The following PTPRD variants were observed in gnomAD, a reference collection of about 807,000 sequenced individuals.
The protein encoded by PTPRD is protein tyrosine phosphatase receptor type D, also known as receptor-type tyrosine-protein phosphatase delta.
In PTPRD, 34 loss-of-function variants were observed where a neutral mutation model predicts 214.5. The ratio of observed to expected loss-of-function variants is 0.16; its 90% confidence interval spans 0.12 to 0.21. The LOEUF is 0.21. Among genes scored for constraint, PTPRD ranks in the 10% least tolerant of loss-of-function variants. The pLI, the probability that PTPRD is intolerant of heterozygous loss-of-function variation, is 1.00. For synonymous variants in PTPRD, 1,128 were observed against 845.7 expected (o/e 1.33, Z -5.79); for missense variants, 2,545 against 2,398.7 (o/e 1.06, Z -1.27).
At chr9:10,395,629 G>C (rs909508302) in intron 2 of PTPRD, among the ~76,000 whole-genome samples, 1 of 151,856 alleles carries the variant, frequency 6.6e-6, no homozygotes, top group African/African-American at 2.4e-5. Context: ...ATGACTAATT[G>C]TTGTCCTGCC....
chr9:8,354,375 C>T (rs1428499528), intron 39 of PTPRD, among the ~76,000 whole-genome samples: 3 of 152,038 alleles, frequency 2.0e-5, no homozygotes. Context: ...AATGGTTGTC[C>T]TACAAGATGG....
rs544198792 is a variant in PTPRD, at chr9:9,263,293, A to G, written c.-202-79930T>C. On this transcript the variant is annotated intron_variant, in intron 9 of 45. Transcript: ENST00000381196. ...CTTTTTTTATAAATGTTTTTTGAAT[A>G]CATCTCCTATAGGAGAATTGAGGGA... Among the ~76,000 whole-genome samples, 53 of 151,764 alleles carry G rather than the reference A, an allele frequency of 3.5e-4. No homozygotes were observed. The South Asian group carries it at 4.6e-3, about 13-fold the overall frequency.
At chr9:10,062,760 A>C (rs1312058801) in intron 3 of PTPRD, among the ~76,000 whole-genome samples, 2 of 151,936 alleles carry the variant, frequency 1.3e-5, no homozygotes, top group African/African-American at 4.8e-5. Flanking sequence ...TTTTCCCCTG[A>C]AAATCTATGT....
At chr9:9,140,735 C>T (rs1358382445) in intron 10 of PTPRD, among the ~76,000 whole-genome samples, 2 of 152,150 alleles carry the variant, frequency 1.3e-5, no homozygotes, top group Non-Finnish European at 1.5e-5. Context: ...CCCGCCACCA[C>T]GCCCGGCTAA....
At chr9:8,896,805 TC>T (rs961299759) in intron 11 of PTPRD, among the ~76,000 whole-genome samples, 1 of 152,146 alleles carries the variant, frequency 6.6e-6, no homozygotes, top group African/African-American at 2.4e-5. Context: ...TCCCTTTAGT[TC>T]CTTTAGAGTT....
intron 9 of PTPRD, among the ~76,000 whole-genome samples, chr9:9,356,926 A>G (rs1047985247): frequency 6.6e-6 from 1 of 151,398 alleles, no homozygotes; most frequent in Non-Finnish European, 1.5e-5. Context: ...ATTATAGTTA[A>G]CAAACAGAAA....
intron 3 of PTPRD, among the ~76,000 whole-genome samples, chr9:10,161,695 G>A (rs1247857347): frequency 6.6e-6 from 1 of 151,644 alleles, no homozygotes; most frequent in East Asian, 1.9e-4. Context: ...ATAGCTGAAT[G>A]GGATTATATC....
At chr9:9,754,615 A>C (rs972561188) in intron 6 of PTPRD, among the ~76,000 whole-genome samples, 1 of 152,132 alleles carries the variant, frequency 6.6e-6, no homozygotes, top group Middle Eastern at 3.2e-3. Context: ...CATGCTATGT[A>C]CTAAATAATT....
chr9:10,494,761 T>C (rs553051179), intron 2 of PTPRD, among the ~76,000 whole-genome samples: 1 of 151,408 alleles, frequency 6.6e-6, no homozygotes, highest in African/African-American at 2.4e-5. Flanking sequence ...ATTTATAAGA[T>C]ATATTAATCA....
intron 9 of PTPRD, among the ~76,000 whole-genome samples, chr9:9,323,839 C>T (rs1049071527): frequency 5.3e-5 from 8 of 152,112 alleles, no homozygotes; most frequent in African/African-American, 1.7e-4. Context: ...TATCCCTACC[C>T]CATCCCCGCA....
At chr9:9,066,166 T>C (rs1402774682) in intron 10 of PTPRD, among the ~76,000 whole-genome samples, 1 of 152,162 alleles carries the variant, frequency 6.6e-6, no homozygotes, top group Non-Finnish European at 1.5e-5. Context: ...ATTTTGATAT[T>C]AATGTTATCC....
intron 11 of PTPRD, among the ~76,000 whole-genome samples, chr9:8,753,007 CTACTT>C (rs2093671605): frequency 1.3e-5 from 2 of 152,178 alleles, no homozygotes; most frequent in African/African-American, 4.8e-5. Flanking sequence ...TACATTTACC[CTACTT>C]TAAATACTCA....
chr9:9,905,433 C>A (rs1386555802), intron 5 of PTPRD, among the ~76,000 whole-genome samples: 2 of 151,912 alleles, frequency 1.3e-5, no homozygotes, highest in Non-Finnish European at 2.9e-5. Flanking sequence ...TCACATATGT[C>A]ATCCTCATAT....
intron 11 of PTPRD, among the ~76,000 whole-genome samples, chr9:8,869,004 A>T (rs1460462546): frequency 6.6e-6 from 1 of 152,188 alleles, no homozygotes; most frequent in Non-Finnish European, 1.5e-5. Flanking sequence ...ATAGGAAGCC[A>T]TGCCATCAAA....
chr9:8,525,199 GA>G (rs1439836274), intron 17 of PTPRD, 164 bp from the exon 18 acceptor site: 1 of 746,716 alleles, frequency 1.3e-6, no homozygotes, highest in Non-Finnish European at 2.4e-6. Flanking sequence ...GATGCGATGA[GA>G]AAAACATATA....
chr9:8,891,476 C>T (rs1008023644), intron 11 of PTPRD, among the ~76,000 whole-genome samples: 3 of 150,532 alleles, frequency 2.0e-5, no homozygotes, highest in African/African-American at 4.9e-5. Flanking sequence ...CTTTAACATA[C>T]GTGGAAAAGA....
At chr9:9,923,407 TA>T (rs1278681675) in intron 5 of PTPRD, among the ~76,000 whole-genome samples, 1 of 119,114 alleles carries the variant, frequency 8.4e-6, no homozygotes, top group East Asian at 4.3e-4. Context: ...GATTAATCAT[TA>T]AAAAAATATT....
At chr9:9,796,015 T>A (rs1466384651) in intron 5 of PTPRD, among the ~76,000 whole-genome samples, 2 of 152,162 alleles carry the variant, frequency 1.3e-5, no homozygotes, top group African/African-American at 2.4e-5. Flanking sequence ...AATTACAGAA[T>A]TATATTAAGA....
At chr9:8,777,800 G>C (rs917688422) in intron 11 of PTPRD, among the ~76,000 whole-genome samples, 2 of 152,092 alleles carry the variant, frequency 1.3e-5, no homozygotes, top group African/African-American at 4.8e-5. Context: ...ATGATCCTAT[G>C]GGACCTAATT....
Sources: gnomAD v4.1 joint callset for allele counts (sites outside exome capture counted in the v4.1 genomes callset) on GRCh38, gnomAD v4.1.1 for gene constraint, MANE v1.5 for transcripts, NCBI Gene and HGNC (gene_info 2026-07-23, HGNC 2026-07-21) for gene names.